AGBL4: variants seen among roughly 807,000 people sequenced by gnomAD.
AGBL4 encodes AGBL carboxypeptidase 4, also known as cytosolic carboxypeptidase 6.
A neutral mutation model predicts 66.4 loss-of-function variants in AGBL4; 58 were observed. That is an observed-to-expected ratio of 0.87 (90% CI 0.71 to 1.09). The LOEUF is 1.09. Ranked by LOEUF, AGBL4 falls within the 50% of genes least tolerant of loss-of-function variation. AGBL4 has a pLI of 0.00. For synonymous variants in AGBL4, 234 were observed against 222.9 expected (o/e 1.05, Z -0.44); for missense variants, 579 against 631.0 (o/e 0.92, Z 0.88).
intron 5 of AGBL4, among the ~76,000 whole-genome samples, chr1:48,978,765 T>TA (rs1221714914): frequency 6.6e-6 from 1 of 152,184 alleles, no homozygotes; most frequent in East Asian, 1.9e-4. Flanking sequence ...CTGACTGACC[T>TA]AGTCACATAG....
intron 1 of AGBL4, among the ~76,000 whole-genome samples, chr1:49,959,659 G>T (rs577590680): frequency 7.2e-5 from 11 of 152,014 alleles, no homozygotes; most frequent in Non-Finnish European, 1.5e-4. Context: ...ACTGCCATTT[G>T]ACCCCACAGT....
At chr1:49,031,738 A>G (rs1454603055) in intron 5 of AGBL4, among the ~76,000 whole-genome samples, 1 of 152,090 alleles carries the variant, frequency 6.6e-6, no homozygotes, top group Admixed American at 6.6e-5. Context: ...GAGACTAGAG[A>G]CAGAGCATCA....
At chr1:49,365,298 C>T (rs1409743092) in intron 3 of AGBL4, among the ~76,000 whole-genome samples, 1 of 151,980 alleles carries the variant, frequency 6.6e-6, no homozygotes, top group Non-Finnish European at 1.5e-5. Flanking sequence ...TGTGGATTTC[C>T]ACAAATCAGT....
intron 9 of AGBL4, among the ~76,000 whole-genome samples, chr1:48,620,081 G>A (rs1486764452): frequency 6.6e-6 from 1 of 152,032 alleles, no homozygotes; most frequent in African/African-American, 2.4e-5. Context: ...AAATCCACTC[G>A]GAATGAATTG....
chr1:49,365,890 A>G (rs905077423), intron 3 of AGBL4, among the ~76,000 whole-genome samples: 5 of 152,148 alleles, frequency 3.3e-5, no homozygotes, highest in Non-Finnish European at 7.3e-5. Flanking sequence ...AACCTCTTTG[A>G]ATGCCTGTCT....
At chr1:48,912,759 A>T (rs1653251139) in intron 5 of AGBL4, among the ~76,000 whole-genome samples, 1 of 152,124 alleles carries the variant, frequency 6.6e-6, no homozygotes, top group South Asian at 2.1e-4. Flanking sequence ...TGGCCTCTTC[A>T]ACCTAGTGCC....
chr1:49,275,757 T>C (rs969331009), intron 3 of AGBL4, among the ~76,000 whole-genome samples: 7 of 152,124 alleles, frequency 4.6e-5, no homozygotes, highest in Non-Finnish European at 1.0e-4. Flanking sequence ...CTCCAAACAA[T>C]TTTTTTCAAG....
At chr1:48,759,793 AT>A (rs1644158330) in intron 6 of AGBL4, among the ~76,000 whole-genome samples, 3 of 152,342 alleles carry the variant, frequency 2.0e-5, no homozygotes, top group Admixed American at 6.5e-5. Context: ...TTCATCGACA[AT>A]GCTTTAGATG....
intron 6 of AGBL4, among the ~76,000 whole-genome samples, chr1:48,714,390 G>T (rs1039533307): frequency 6.6e-6 from 1 of 152,160 alleles, no homozygotes; most frequent in South Asian, 2.1e-4. Flanking sequence ...GCCACAAACC[G>T]TGGAGTCATC....
At chr1:48,746,553 C>T (rs1570471532) in intron 6 of AGBL4, among the ~76,000 whole-genome samples, 2 of 152,362 alleles carry the variant, frequency 1.3e-5, no homozygotes, top group East Asian at 1.9e-4. Context: ...ATTTCTCACT[C>T]AGCACCATTT....
intron 3 of AGBL4, among the ~76,000 whole-genome samples, chr1:49,561,618 C>T (rs1314210558): frequency 6.6e-6 from 1 of 152,006 alleles, no homozygotes. Flanking sequence ...TCCTCCATGT[C>T]CCTACAAAGG....
chr1:48,699,389 T>C (rs1646766073), intron 6 of AGBL4, among the ~76,000 whole-genome samples: 1 of 152,240 alleles, frequency 6.6e-6, no homozygotes. Flanking sequence ...AATATTATCA[T>C]TTTTACATTT....
chr1:48,698,411 A>G (rs1452385924), intron 6 of AGBL4, among the ~76,000 whole-genome samples: 2 of 152,160 alleles, frequency 1.3e-5, no homozygotes, highest in Non-Finnish European at 2.9e-5. Flanking sequence ...CTTACCCAAC[A>G]CCAACATTTT....
chr1:49,447,320 T>C (rs1232345262), intron 3 of AGBL4, among the ~76,000 whole-genome samples: 1 of 152,192 alleles, frequency 6.6e-6, no homozygotes, highest in Non-Finnish European at 1.5e-5. Context: ...TGTTATACTT[T>C]ATGATCCTTT....
chr1:48,923,272 T>C (rs1654247836), intron 5 of AGBL4, among the ~76,000 whole-genome samples: 1 of 152,300 alleles, frequency 6.6e-6, no homozygotes, highest in Admixed American at 6.5e-5. Flanking sequence ...CAAACCCATG[T>C]CATCTCCTTC....
chr1:48,715,655 G>C (rs1192378705), intron 6 of AGBL4, among the ~76,000 whole-genome samples: 4 of 151,774 alleles, frequency 2.6e-5, no homozygotes, highest in Non-Finnish European at 5.9e-5. Context: ...CTACTCAAGA[G>C]TAATTTAATA....
At chr1:49,442,130 C>A (rs1302209671) in intron 3 of AGBL4, among the ~76,000 whole-genome samples, 1 of 152,006 alleles carries the variant, frequency 6.6e-6, no homozygotes, top group Admixed American at 6.6e-5. Context: ...GTGTTTAATT[C>A]ATAAATCCTG....
chr1:49,011,869 TG>T (rs1366042382), intron 5 of AGBL4, among the ~76,000 whole-genome samples: 1 of 73,270 alleles, frequency 1.4e-5, no homozygotes, highest in Non-Finnish European at 2.6e-5. Flanking sequence ...CATCACACTC[TG>T]GGGACTGTTG....
chr1:49,124,797 A>T lies in AGBL4; in HGVS notation c.378-78997T>A, dbSNP rs1645732416. 2.6e-5 allele frequency among the ~76,000 whole-genome samples: 4 copies of T among 152,368 alleles called. No homozygotes were observed. The South Asian group carries it at 8.3e-4, about 32-fold the overall frequency. On this transcript the variant is annotated intron_variant, in intron 4 of 13. Transcript: ENST00000371839. ...ATCTCTGAAATTTAATTTCTGTGAAATGAGGCAGTTGGATTAGAAAGTCTC... is the reference window on the plus strand; with the variant it reads ...ATCTCTGAAATTTAATTTCTGTGAATTGAGGCAGTTGGATTAGAAAGTCTC...
Sources: gnomAD v4.1 joint callset for allele counts (sites outside exome capture counted in the v4.1 genomes callset) on GRCh38, gnomAD v4.1.1 for gene constraint, MANE v1.5 for transcripts, NCBI Gene and HGNC (gene_info 2026-07-23, HGNC 2026-07-21) for gene names.